Variants in WDPCP observed in about 807,000 individuals in gnomAD.
WDPCP encodes WD repeat containing planar cell polarity effector.
Under a neutral mutation model 93.1 loss-of-function variants are expected in WDPCP, and 71 were observed. That is an observed-to-expected ratio of 0.76 (90% CI 0.63 to 0.93). The LOEUF (loss-of-function observed/expected upper bound fraction) is 0.93, where lower values mean the gene tolerates loss of function less well. Ranked by LOEUF, WDPCP falls within the 40% of genes least tolerant of loss-of-function variation. WDPCP has a pLI of 0.00. For missense variants in WDPCP, 844 were observed against 887.4 expected (o/e 0.95, Z 0.62); for synonymous variants, 315 against 315.0 (o/e 1.00, Z 0.00).
Position 63,174,796 on chromosome 2 carries a change from T to C in WDPCP, c.1952A>G (p.Asn651Ser). The change falls in exon 15 of 18, where the codon AAT becomes AGT. Residue 651 changes from asparagine (N) to serine (S), a missense_variant. Physicochemically the swap from Asn to Ser is conservative, Grantham distance 46 (BLOSUM62 1). Coordinates refer to ENST00000272321, the MANE Select transcript of WDPCP (RefSeq NM_015910.7). ...TAAAGACAGGCCAATAAATGCTTCATTTAGCATATCCCCTCTGTCCAAGGG... is the reference window on the plus strand; with the variant it reads ...TAAAGACAGGCCAATAAATGCTTCACTTAGCATATCCCCTCTGTCCAAGGG... ...LGPLDRGDML[N>S]EAFIGLSLAP... 2 of 1,613,926 alleles carry C rather than the reference T, an allele frequency of 1.2e-6. No homozygotes were observed. Among genetic ancestry groups the C allele is most frequent in the South Asian group, 2.2e-5 (2 of 91,080 alleles).
intron 2 of WDPCP, among the ~76,000 whole-genome samples, chr2:63,745,082 T>C (rs1437224353): frequency 2.0e-5 from 3 of 152,318 alleles, no homozygotes; most frequent in Non-Finnish European, 2.9e-5. Context: ...TTTGATGTTG[T>C]TTAATATATC....
At chr2:63,656,260 C>T (rs907080410) in intron 2 of WDPCP, among the ~76,000 whole-genome samples, 1 of 152,180 alleles carries the variant, frequency 6.6e-6, no homozygotes, top group Non-Finnish European at 1.5e-5. Flanking sequence ...TCCCCAATTC[C>T]AGTGAAGAGT....
At chr2:63,506,176 A>G (rs906290807) in intron 1 of WDPCP, among the ~76,000 whole-genome samples, 6 of 152,148 alleles carry the variant, frequency 3.9e-5, no homozygotes, top group African/African-American at 1.4e-4. Context: ...GTATCTTATA[A>G]TCAAGGTGTA....
chr2:63,128,639 C>G (rs911713844), intron 17 of WDPCP, among the ~76,000 whole-genome samples: 4 of 152,094 alleles, frequency 2.6e-5, no homozygotes, highest in African/African-American at 9.7e-5. Flanking sequence ...AACAATTTCC[C>G]ATTTCATACT....
chr2:63,780,617 TG>T (rs1332262250), intron 2 of WDPCP, among the ~76,000 whole-genome samples: 1 of 152,176 alleles, frequency 6.6e-6, no homozygotes, highest in Non-Finnish European at 1.5e-5. Context: ...GTGTAAGAAA[TG>T]AAAGGCAAAG....
At chr2:63,694,992 A>C (rs1469501374) in intron 2 of WDPCP, among the ~76,000 whole-genome samples, 2 of 152,216 alleles carry the variant, frequency 1.3e-5, no homozygotes, top group African/African-American at 4.8e-5. Flanking sequence ...AAGAAACAAA[A>C]ACACAGACAA....
At chr2:63,269,565 TTGAA>T (rs1284764557) in intron 13 of WDPCP, among the ~76,000 whole-genome samples, 1 of 152,178 alleles carries the variant, frequency 6.6e-6, no homozygotes, top group African/African-American at 2.4e-5. Flanking sequence ...TAAAAAAATC[TTGAA>T]TGGAGTTTCA....
At chr2:63,723,388 G>T (rs1436773780) in intron 2 of WDPCP, among the ~76,000 whole-genome samples, 1 of 151,030 alleles carries the variant, frequency 6.6e-6, no homozygotes, top group African/African-American at 2.4e-5. Flanking sequence ...CTTCTTCATA[G>T]TCACCATCCA....
At chr2:63,818,967 C>A (rs185700566) in intron 1 of WDPCP, among the ~76,000 whole-genome samples, 1 of 151,990 alleles carries the variant, frequency 6.6e-6, no homozygotes, top group Admixed American at 6.6e-5. Context: ...TAAATACAAA[C>A]GTCTCTTGAT....
rs189697781 is a variant in WDPCP, at chr2:63,714,717, T to A, written n.309-63879A>T. On this transcript the variant is annotated intron_variant and non_coding_transcript_variant, in intron 2 of 4. Coordinates refer to the WDPCP transcript ENST00000467687. Reference sequence around the variant, plus strand: ...GGTGGCACGCACCTGTACTCCCAGCTACTTGGGAGGCTGAGGCAGGAGAAT... The same window carrying A: ...GGTGGCACGCACCTGTACTCCCAGCAACTTGGGAGGCTGAGGCAGGAGAAT... Among the ~76,000 whole-genome samples, 236 of 152,244 alleles carry A rather than the reference T, an allele frequency of 1.6e-3. 1 individual carries two copies. The highest frequency in any genetic ancestry group is 5.0e-3 in the African/African-American group (209 of 41,540).
chr2:63,565,584 T>C (rs1706982382), intron 1 of WDPCP, among the ~76,000 whole-genome samples: 1 of 152,216 alleles, frequency 6.6e-6, no homozygotes, highest in Non-Finnish European at 1.5e-5. Flanking sequence ...ACCAATGCCT[T>C]GCTAAATGTA....
chr2:63,236,307 C>T (rs1679387201), intron 14 of WDPCP, among the ~76,000 whole-genome samples: 1 of 152,136 alleles, frequency 6.6e-6, no homozygotes, highest in Non-Finnish European at 1.5e-5. Flanking sequence ...AACCACAAAA[C>T]ACTGCTGAAA....
chr2:63,456,057 CAT>C (rs1698599431), intron 6 of WDPCP, among the ~76,000 whole-genome samples: 1 of 152,256 alleles, frequency 6.6e-6, no homozygotes, highest in Non-Finnish European at 1.5e-5. Context: ...AATTAAATAA[CAT>C]ACTCCTAAAC....
chr2:63,650,153 A>G (rs553191559), intron 3 of WDPCP, among the ~76,000 whole-genome samples: 1 of 152,342 alleles, frequency 6.6e-6, no homozygotes, highest in South Asian at 2.1e-4. Context: ...AGATGGAATG[A>G]CATGAAGTTT....
chr2:63,241,653 T>C (rs1299010656), intron 14 of WDPCP, among the ~76,000 whole-genome samples: 3 of 152,182 alleles, frequency 2.0e-5, no homozygotes, highest in Non-Finnish European at 2.9e-5. Context: ...GGCTAGAGTA[T>C]AGTGGCCTGA....
intron 2 of WDPCP, among the ~76,000 whole-genome samples, chr2:63,489,364 C>T (rs553118366): frequency 2.6e-5 from 4 of 152,068 alleles, no homozygotes; most frequent in East Asian, 3.9e-4. Flanking sequence ...GAGATAGATA[C>T]AGAAATAAAT....
At chr2:63,624,749 G>T (rs1259327445) in intron 3 of WDPCP, among the ~76,000 whole-genome samples, 5 of 152,224 alleles carry the variant, frequency 3.3e-5, no homozygotes, top group South Asian at 2.1e-4. Flanking sequence ...TCTACCAAAG[G>T]TACAAAGAGG....
At chr2:63,353,226 T>C (rs1689761223) in intron 12 of WDPCP, among the ~76,000 whole-genome samples, 1 of 152,172 alleles carries the variant, frequency 6.6e-6, no homozygotes, top group Non-Finnish European at 1.5e-5. Flanking sequence ...CTGGAGTCTC[T>C]GTAGAACAGT....
At chr2:63,563,999 T>G (rs1706838467) in intron 1 of WDPCP, among the ~76,000 whole-genome samples, 1 of 152,170 alleles carries the variant, frequency 6.6e-6, no homozygotes, top group Non-Finnish European at 1.5e-5. Flanking sequence ...AAGGGTGAGT[T>G]TTAGGGTATA....
Sources: gnomAD v4.1 joint callset for allele counts (sites outside exome capture counted in the v4.1 genomes callset) on GRCh38, gnomAD v4.1.1 for gene constraint, MANE v1.5 for transcripts, NCBI Gene and HGNC (gene_info 2026-07-23, HGNC 2026-07-21) for gene names.